Variants in INPP5B observed in about 807,000 individuals in gnomAD.
The protein encoded by INPP5B is type II inositol 1,4,5-trisphosphate 5-phosphatase.
In INPP5B, 90 loss-of-function variants were observed where a neutral mutation model predicts 118.5. That is an observed-to-expected ratio of 0.76 (90% CI 0.64 to 0.90). The LOEUF (loss-of-function observed/expected upper bound fraction) is 0.90, where lower values mean the gene tolerates loss of function less well. INPP5B is among the 40% of genes least tolerant of loss of function. INPP5B has a pLI of 0.00. For synonymous variants in INPP5B, 385 were observed against 418.9 expected (o/e 0.92, Z 0.99); for missense variants, 984 against 1,125.6 (o/e 0.87, Z 1.80).
At chr1:37,937,913 A>G (rs1645757537) in intron 6 of INPP5B, among the ~76,000 whole-genome samples, 1 of 151,506 alleles carries the variant, frequency 6.6e-6, no homozygotes, top group Admixed American at 6.6e-5. Context: ...GGTTGTAGTA[A>G]GCCAAGACTG....
In INPP5B at chr1:37,943,656, A is replaced by G. The variant is rs28667395; in HGVS notation, c.264T>C (p.Gly88=). 3 of 1,614,056 alleles carry G rather than the reference A, an allele frequency of 1.9e-6. No homozygotes were observed. Among genetic ancestry groups the G allele is most frequent in the Middle Eastern group, 1.6e-4 (1 of 6,062 alleles). The change falls in exon 5 of 24, where the codon GGT becomes GGC. Residue 88 remains glycine, a synonymous_variant. Transcript: ENST00000373024. ...DFTLEEVSPD[G]ELYILGSDVT... The stretch of plus-strand genomic sequence containing the variant: ...ACCACTCACCAAGGATGTAGAGTTC[A>G]CCATCTGGGGACACTGTGGGGAGGG...
chr1:37,924,750 A>G (rs1645167753), intron 7 of INPP5B, among the ~76,000 whole-genome samples: 1 of 151,852 alleles, frequency 6.6e-6, no homozygotes, highest in Non-Finnish European at 1.5e-5. Context: ...CTAAAAACAA[A>G]AAGAGGCTGC....
At chr1:37,865,613 CAA>C (rs1641980031) in intron 22 of INPP5B, 146 bp downstream of exon 22, 2 of 845,416 alleles carry the variant, frequency 2.4e-6, no homozygotes, top group Non-Finnish European at 3.5e-6. Flanking sequence ...TTAAAAGAAA[CAA>C]AGACATAAGA....
In INPP5B at chr1:37,882,931, A is replaced by T; in HGVS notation, c.1320-13T>A. 6.2e-7 allele frequency: 1 copy of T among 1,614,088 alleles called. No homozygotes were observed. The highest frequency in any genetic ancestry group is 1.1e-5 in the South Asian group (1 of 91,086). On this transcript the variant is annotated splice_polypyrimidine_tract_variant and intron_variant, in intron 13 of 23. Transcript: ENST00000373024. ...CCACAAGATCACACTGTGAGGACAGAGCACAAAGGTAACAGGGTTTAGGAG... is the reference window on the plus strand; with the variant it reads ...CCACAAGATCACACTGTGAGGACAGTGCACAAAGGTAACAGGGTTTAGGAG...
At chr1:37,880,046 T>C in intron 15 of INPP5B, 39 bp downstream of exon 15, 1 of 1,384,348 alleles carries the variant, frequency 7.2e-7, no homozygotes, top group South Asian at 1.2e-5. Flanking sequence ...ATTTCTGGGT[T>C]TCCGTTTGCT....
At chr1:37,895,524 C>G (rs1445682477) in intron 7 of INPP5B, among the ~76,000 whole-genome samples, 3 of 151,602 alleles carry the variant, frequency 2.0e-5, no homozygotes, top group Non-Finnish European at 4.4e-5. Context: ...CCCACAGTCT[C>G]CCTCTCCCTC....
At chr1:37,914,505 T>C (rs2148612313) in intron 7 of INPP5B, among the ~76,000 whole-genome samples, 1 of 152,186 alleles carries the variant, frequency 6.6e-6, no homozygotes, top group South Asian at 2.1e-4. Flanking sequence ...GAAGCTTCTC[T>C]CTCTTACCTC....
chr1:37,931,944 A>C lies in INPP5B; in HGVS notation c.501T>G (p.Val167=), dbSNP rs767624065. The change falls in exon 7 of 24, where the codon GTT becomes GTG. Residue 167 remains valine (V), a synonymous_variant. Transcript: ENST00000373024. ...CAATTGTCGCGTACCCTGGCCAGGTAACTAGGGCCGAGTTACAACCGCGCG... is the reference window on the plus strand; with the variant it reads ...CAATTGTCGCGTACCCTGGCCAGGTCACTAGGGCCGAGTTACAACCGCGCG... ...PTPRGCNSAL[V]TWPGYATIGG... is the part of the protein sequence containing the mutation. 1 of 1,614,054 alleles carries C rather than the reference A, an allele frequency of 6.2e-7. No homozygotes were observed.
At chr1:37,924,132 C>T (rs903193831) in intron 7 of INPP5B, among the ~76,000 whole-genome samples, 1 of 151,512 alleles carries the variant, frequency 6.6e-6, no homozygotes, top group Non-Finnish European at 1.5e-5. Flanking sequence ...AAGACAGCAG[C>T]CAGGTTCTCA....
At chr1:37,904,168 AC>A (rs552425763) in intron 7 of INPP5B, among the ~76,000 whole-genome samples, 37 of 152,170 alleles carry the variant, frequency 2.4e-4, no homozygotes, top group African/African-American at 8.9e-4. Context: ...CTACTAAAAT[AC>A]AAAAAATTAG....
intron 2 of INPP5B, 140 bp from the exon 3 acceptor site, chr1:37,945,990 A>G: frequency 1.3e-6 from 1 of 745,664 alleles, no homozygotes; most frequent in East Asian, 2.7e-5. Flanking sequence ...TGCTGAACTA[A>G]CAGACAAACA....
intron 7 of INPP5B, among the ~76,000 whole-genome samples, chr1:37,904,524 T>C (rs1644440501): frequency 6.6e-6 from 1 of 152,114 alleles, no homozygotes. Flanking sequence ...AAATTAAATA[T>C]TAGAATAAAA....
At chr1:37,867,864 C>T (rs1287365261) in intron 20 of INPP5B, among the ~76,000 whole-genome samples, 1 of 152,040 alleles carries the variant, frequency 6.6e-6, no homozygotes, top group East Asian at 1.9e-4. Flanking sequence ...TTGGCCCCAC[C>T]CATTCCCAGA....
At chr1:37,873,219 G>T in intron 18 of INPP5B, 54 bp from the exon 19 acceptor site, 2 of 1,285,722 alleles carry the variant, frequency 1.6e-6, no homozygotes, top group South Asian at 2.4e-5. Context: ...AGAGGAAAGG[G>T]GAAAGAAGGC....
chr1:37,934,620 T>C (rs533710131), intron 6 of INPP5B, among the ~76,000 whole-genome samples: 1 of 152,262 alleles, frequency 6.6e-6, no homozygotes, highest in South Asian at 2.1e-4. Context: ...CTGTCAATAC[T>C]GAGAGTCCCT....
chr1:37,895,858 C>T (rs1476095448), intron 7 of INPP5B, among the ~76,000 whole-genome samples: 2 of 152,058 alleles, frequency 1.3e-5, no homozygotes, highest in African/African-American at 2.4e-5. Flanking sequence ...GATCTCGGCT[C>T]GCTACAACCT....
At chr1:37,884,283 T>A (rs1291051167) in intron 13 of INPP5B, 1 of 152,170 alleles carries the variant, frequency 6.6e-6, no homozygotes, top group African/African-American at 2.4e-5. Context: ...TGTTTTGTCA[T>A]ATTCTCTGCT....
In INPP5B at chr1:37,931,765, C is replaced by T. The variant is rs765340350; in HGVS notation, c.532+148G>A. 7 of 1,603,580 alleles carry T rather than the reference C, an allele frequency of 4.4e-6. No individual in the cohort carries two copies. The South Asian group carries it at 5.5e-5, about 13-fold the overall frequency. On this transcript the variant is annotated intron_variant, in intron 7 of 23. Coordinates refer to ENST00000373024, the MANE Select transcript of INPP5B (RefSeq NM_005540.3). ...ATCCCGCCGCCCGTCCCGCGCGCTC[C>T]GCCCCCAGACGAACCCGCCCCCGTG...
At chr1:37,928,816 T>A (rs1645339673) in intron 7 of INPP5B, 1 of 152,154 alleles carries the variant, frequency 6.6e-6, no homozygotes, top group South Asian at 2.1e-4. Flanking sequence ...TAAGCAACCA[T>A]TTGCCTTGGT....
Sources: allele counts gnomAD v4.1 joint callset (sites outside exome capture counted in the v4.1 genomes callset), GRCh38; gene constraint gnomAD v4.1.1; transcripts MANE v1.5; gene names NCBI Gene and HGNC (gene_info 2026-07-23, HGNC 2026-07-21).